Variants in MPPED1 observed in about 807,000 individuals in gnomAD.
MPPED1 encodes metallophosphoesterase domain-containing protein 1.
A neutral mutation model predicts 36.2 loss-of-function variants in MPPED1; 16 were observed. The observed-to-expected ratio is 0.44, with a 90% CI of 0.30 to 0.67. The LOEUF (loss-of-function observed/expected upper bound fraction) is 0.67. MPPED1 is among the 30% of genes least tolerant of loss of function. MPPED1 has a pLI of 0.10. For synonymous variants in MPPED1, 199 were observed against 191.3 expected, an observed-to-expected ratio of 1.04 and a Z score of -0.33; for missense variants, 307 against 453.4, an observed-to-expected ratio of 0.68 and a Z score of 2.93.
chr22:43,449,101 G>T (rs1022634166), intron 3 of MPPED1, among the ~76,000 whole-genome samples: 8 of 152,088 alleles, frequency 5.3e-5, no homozygotes, highest in Non-Finnish European at 1.0e-4. Context: ...GCTGCTGATG[G>T]GATACAGGGA....
chr22:43,418,238 C>A, intron 1 of MPPED1: 2 of 446,200 alleles, frequency 4.5e-6, no homozygotes, highest in Non-Finnish European at 4.5e-6. Flanking sequence ...GGCACAGGGA[C>A]AGCAGATGTG....
intron 2 of MPPED1, among the ~76,000 whole-genome samples, chr22:43,426,176 AC>A (rs1177850335): frequency 6.6e-6 from 1 of 151,990 alleles, no homozygotes; most frequent in Non-Finnish European, 1.5e-5. Context: ...CTGGAGTTGA[AC>A]CCAGGCTTCC....
chr22:43,502,858 C>A lies in MPPED1; in HGVS notation c.862+101C>A. 1 of 974,434 alleles carries A rather than the reference C, an allele frequency of 1.0e-6. No individual in the cohort carries two copies. Among genetic ancestry groups the A allele is most frequent in the Admixed American group, 2.0e-5 (1 of 50,252 alleles). 60.4% of individuals were successfully genotyped at this position (974,434 alleles called of 1,614,324 possible). On this transcript the variant is annotated intron_variant, in intron 6 of 6. Transcript: ENST00000443721. The surrounding 1 kb of genome is among the most constrained non-coding windows in gnomAD (Gnocchi z 5.5). ...TTCAGCCAGAAGGGAAATAAATAGCCCATTCCTACTGTTCGCTTTGTAACT... is the reference window on the plus strand; with the variant it reads ...TTCAGCCAGAAGGGAAATAAATAGCACATTCCTACTGTTCGCTTTGTAACT...
chr22:43,432,476 AAAG>A (rs1929742335), intron 2 of MPPED1, among the ~76,000 whole-genome samples: 2 of 122,812 alleles, frequency 1.6e-5, no homozygotes, highest in African/African-American at 6.3e-5. Flanking sequence ...AGAGAGAGAG[AAAG>A]GGAGGAGAGA....
In MPPED1 at chr22:43,469,630, G is replaced by A. The variant is rs957791397; in HGVS notation, c.407-5106G>A. Among the ~76,000 whole-genome samples the A allele has an allele frequency of 2.0e-5, 3 of 152,170 alleles. No individual in the cohort carries two copies. The South Asian group carries it at 6.2e-4, about 32-fold the overall frequency. The stretch of plus-strand genomic sequence containing the variant: ...CGTTCTGTGTCCTCCATACCCACCT[G>A]CAAGAGAGCATGTTTAATTGGAGAA... On this transcript the variant is annotated intron_variant, in intron 3 of 6. Transcript: ENST00000443721.
At chr22:43,482,863 G>C (rs1931793717) in intron 4 of MPPED1, among the ~76,000 whole-genome samples, 1 of 152,220 alleles carries the variant, frequency 6.6e-6, no homozygotes, top group South Asian at 2.1e-4. Flanking sequence ...CGCTTAGCAG[G>C]CCTGCCAGTT....
intron 4 of MPPED1, 42 bp from the exon 5 acceptor site, chr22:43,498,193 C>T (rs1025447958): frequency 1.1e-5 from 17 of 1,489,384 alleles, no homozygotes; most frequent in Non-Finnish European, 1.4e-5. Context: ...CCACCCTGTA[C>T]TTTCACCCGC....
chr22:43,503,074 G>C lies in MPPED1; in HGVS notation c.862+317G>C, dbSNP rs910230165. On this transcript the variant is annotated intron_variant, in intron 6 of 6. Transcript: ENST00000443721. Reference sequence around the variant, plus strand: ...GGGGTTTTCAGAGGAAGGGGCATTTGAGCCGTGACATGGAGGATGCATTAT... The same window carrying C: ...GGGGTTTTCAGAGGAAGGGGCATTTCAGCCGTGACATGGAGGATGCATTAT... 8.5e-5 allele frequency among the ~76,000 whole-genome samples: 13 copies of C among 152,180 alleles called. 1 individual carries two copies. The highest frequency in any genetic ancestry group is 6.5e-5 in the Admixed American group (1 of 15,282).
intron 3 of MPPED1, among the ~76,000 whole-genome samples, chr22:43,437,745 GGAAA>G (rs1443142362): frequency 6.6e-6 from 1 of 152,154 alleles, no homozygotes; most frequent in Non-Finnish European, 1.5e-5. Flanking sequence ...TTGGAATGGA[GGAAA>G]GAATCACCTT....
chr22:43,454,219 G>A (rs1209080443), intron 3 of MPPED1, among the ~76,000 whole-genome samples: 4 of 152,112 alleles, frequency 2.6e-5, no homozygotes, highest in African/African-American at 9.7e-5. Context: ...GCGTTGGCCA[G>A]GCTGGTCTCG....
At chr22:43,472,255 G>T (rs1931401467) in intron 3 of MPPED1, among the ~76,000 whole-genome samples, 1 of 152,212 alleles carries the variant, frequency 6.6e-6, no homozygotes, top group Non-Finnish European at 1.5e-5. Context: ...AAAAAAAGTT[G>T]TGCCAAACAA....
At chr22:43,432,983 A>G (rs921061627) in intron 2 of MPPED1, among the ~76,000 whole-genome samples, 5 of 151,906 alleles carry the variant, frequency 3.3e-5, no homozygotes, top group African/African-American at 1.2e-4. Flanking sequence ...TGAATGAATG[A>G]ATTTGATTGG....
intron 3 of MPPED1, among the ~76,000 whole-genome samples, chr22:43,451,833 C>A (rs62231991): frequency 6.6e-6 from 1 of 152,154 alleles, no homozygotes; most frequent in South Asian, 2.1e-4. Flanking sequence ...CTCCACCCCT[C>A]CCCTTTGTCT....
At chr22:43,501,503 G>A (rs958343181) in intron 5 of MPPED1, among the ~76,000 whole-genome samples, 6 of 152,104 alleles carry the variant, frequency 3.9e-5, no homozygotes, top group African/African-American at 1.4e-4. Flanking sequence ...CCTGTCTCGG[G>A]GCTGCCCATG....
chr22:43,490,412 G>A (rs1478108171), intron 4 of MPPED1, among the ~76,000 whole-genome samples: 1 of 152,156 alleles, frequency 6.6e-6, no homozygotes, highest in Non-Finnish European at 1.5e-5. Context: ...GGCAGATTCC[G>A]GCTCCCCAAG....
chr22:43,463,468 A>G (rs1213796454), intron 3 of MPPED1, among the ~76,000 whole-genome samples: 2 of 151,600 alleles, frequency 1.3e-5, no homozygotes. Context: ...AAGTGGTGGG[A>G]TTACAGATGG....
At chr22:43,472,128 A>G (rs1403469831) in intron 3 of MPPED1, among the ~76,000 whole-genome samples, 2 of 152,198 alleles carry the variant, frequency 1.3e-5, no homozygotes, top group African/African-American at 4.8e-5. Context: ...GACACTCAGC[A>G]CTTCCTGACT....
At chr22:43,487,255 A>G (rs1404685557) in intron 4 of MPPED1, among the ~76,000 whole-genome samples, 1 of 152,210 alleles carries the variant, frequency 6.6e-6, no homozygotes, top group African/African-American at 2.4e-5. Flanking sequence ...CCGGTCCTTA[A>G]TAAAATACGG....
intron 4 of MPPED1, among the ~76,000 whole-genome samples, chr22:43,497,413 G>A (rs1027405765): frequency 6.6e-6 from 1 of 152,034 alleles, no homozygotes; most frequent in Non-Finnish European, 1.5e-5. Flanking sequence ...TGATCCAGCT[G>A]TTTCTTGGGT....
Sources: allele counts gnomAD v4.1 joint callset (sites outside exome capture counted in the v4.1 genomes callset), GRCh38; gene constraint gnomAD v4.1.1; non-coding constraint Gnocchi (gnomAD v3.1); transcripts MANE v1.5; gene names NCBI Gene and HGNC (gene_info 2026-07-23, HGNC 2026-07-21).